Variants in DOCK1 observed in about 807,000 individuals in gnomAD.
DOCK1 encodes dedicator of cytokinesis protein 1.
A neutral mutation model predicts 262.7 loss-of-function variants in DOCK1; 138 were observed. The observed-to-expected ratio is 0.53, with a 90% CI of 0.46 to 0.61. DOCK1 has a LOEUF of 0.61. Ranked by LOEUF, DOCK1 falls within the 20% of genes least tolerant of loss-of-function variation. DOCK1 has a pLI of 0.00. For synonymous variants in DOCK1, 866 were observed against 867.4 expected (o/e 1.00, Z 0.03); for missense variants, 1,908 against 2,370.7 (o/e 0.80, Z 4.05).
At chr10:127,035,163 A>C (rs572621951) in intron 18 of DOCK1, among the ~76,000 whole-genome samples, 23 of 152,216 alleles carry the variant, frequency 1.5e-4, no homozygotes, top group Non-Finnish European at 3.2e-4. Context: ...ATGGCGTCTA[A>C]GCATCAACTC....
intron 29 of DOCK1, among the ~76,000 whole-genome samples, chr10:127,324,625 A>T (rs2766052): frequency 0.19 from 29,321 of 151,426 alleles, 3,256 homozygotes; most frequent in African/African-American, 0.31. Context: ...TTTTTTTTTT[A>T]AAAGATACTG....
chr10:127,348,933 T>G (rs1035151953), intron 31 of DOCK1, among the ~76,000 whole-genome samples: 1 of 152,206 alleles, frequency 6.6e-6, no homozygotes, highest in Non-Finnish European at 1.5e-5. Context: ...GCTCATTTTT[T>G]TCAAGAGACT....
chr10:127,160,099 T>C (rs1448641563), intron 27 of DOCK1, among the ~76,000 whole-genome samples: 1 of 139,188 alleles, frequency 7.2e-6, no homozygotes, highest in African/African-American at 2.7e-5. Context: ...GAGGCAATCA[T>C]AACAAAACAT....
Position 127,439,219 on chromosome 10 carries a change from G to A in DOCK1, c.5253G>A (p.Ser1751=), listed in dbSNP as rs144431958. 1.1e-4 allele frequency: 180 copies of A among 1,608,812 alleles called. No homozygotes were observed. The African/African-American group carries it at 2.1e-3, about 18-fold the overall frequency. Residue 1751 remains serine (S), a synonymous_variant, in exon 49 of 52, where the codon TCG becomes TCA. Coordinates refer to ENST00000623213, the MANE Select transcript of DOCK1 (RefSeq NM_001290223.2). ...AGCAGTCTGAGGCTGTGATCCTTTC[G>A]GAAACGGTAACCCGACAGGGTATCT... is the stretch of plus-strand genomic sequence containing the variant. ...SLQQSEAVIL[S]ETISPLRPQR... is the part of the protein sequence containing the mutation.
intron 21 of DOCK1, 77 bp downstream of exon 21, chr10:127,043,241 T>G (rs2044135668): frequency 8.5e-7 from 1 of 1,171,818 alleles, no homozygotes; most frequent in Non-Finnish European, 1.2e-6. Context: ...TTCATGTACT[T>G]TTGTCTATGA....
At chr10:127,106,700 CT>C (rs1337111365) in intron 24 of DOCK1, among the ~76,000 whole-genome samples, 3 of 152,058 alleles carry the variant, frequency 2.0e-5, no homozygotes, top group African/African-American at 7.2e-5. Flanking sequence ...GGCAACTCCT[CT>C]TTGGGAGGGG....
At chr10:127,162,578 C>T (rs1294573450) in intron 27 of DOCK1, among the ~76,000 whole-genome samples, 3 of 152,240 alleles carry the variant, frequency 2.0e-5, no homozygotes, top group East Asian at 1.9e-4. Context: ...GAATCACACA[C>T]ATCCCATTCC....
At chr10:127,120,055 C>T (rs2049453567) in intron 25 of DOCK1, among the ~76,000 whole-genome samples, 1 of 152,184 alleles carries the variant, frequency 6.6e-6, no homozygotes, top group African/African-American at 2.4e-5. Flanking sequence ...GAAAGGGTGG[C>T]TGGTGTGATC....
chr10:127,332,166 G>A (rs2063012508), intron 29 of DOCK1, among the ~76,000 whole-genome samples: 1 of 152,194 alleles, frequency 6.6e-6, no homozygotes, highest in Non-Finnish European at 1.5e-5. Flanking sequence ...CAAGGGCCCA[G>A]TAATCTCGGC....
chr10:127,205,403 C>T (rs1317592169), intron 27 of DOCK1, among the ~76,000 whole-genome samples: 6 of 152,210 alleles, frequency 3.9e-5, no homozygotes, highest in African/African-American at 2.4e-5. Context: ...CACGTTCCAT[C>T]TCTGTTGTGG....
chr10:127,281,459 G>A (rs2135281225), intron 29 of DOCK1, among the ~76,000 whole-genome samples: 1 of 152,304 alleles, frequency 6.6e-6, no homozygotes, highest in East Asian at 1.9e-4. Flanking sequence ...CTTCCTGGAA[G>A]AACTCAGAAG....
At chr10:127,261,609 A>T (rs1590177288) in intron 29 of DOCK1, among the ~76,000 whole-genome samples, 1 of 85,822 alleles carries the variant, frequency 1.2e-5, no homozygotes, top group Non-Finnish European at 2.1e-5. Flanking sequence ...GCCTGCATGT[A>T]CCCGTGCTCA....
chr10:127,293,163 G>C (rs1327236553), intron 29 of DOCK1, among the ~76,000 whole-genome samples: 2 of 152,140 alleles, frequency 1.3e-5, no homozygotes, highest in East Asian at 1.9e-4. Context: ...TGCTAGCCCA[G>C]GGCCACAAAG....
In DOCK1 at chr10:126,996,770, G is replaced by A; in HGVS notation, c.496G>A (p.Val166Ile). Residue 166 changes from valine to isoleucine, a missense_variant, in exon 7 of 52, where the codon GTT becomes ATT. Val to Ile is a conservative substitution (Grantham distance 29). Around this residue, in one of 9 missense-constraint regions of DOCK1, gnomAD observed 227 missense variants for 254.1 expected, o/e 0.89. Transcript: ENST00000623213. ...TAGAATTCTAGATTTGGACCTGGTG[G>A]TTAGAGATGAAGATGGGAATATTTT... Reference protein sequence around the residue: ...GNRILDLDLVVRDEDGNILDP... With the variant: ...GNRILDLDLVIRDEDGNILDP... 3 of 1,611,964 alleles carry A rather than the reference G, an allele frequency of 1.9e-6. No homozygotes were observed. The highest frequency in any genetic ancestry group is 2.5e-6 in the Non-Finnish European group (3 of 1,179,238).
At chr10:127,415,310 C>A in intron 44 of DOCK1, 72 bp downstream of exon 44, 1 of 1,460,814 alleles carries the variant, frequency 6.8e-7, no homozygotes, top group South Asian at 1.2e-5. Flanking sequence ...CCTTCTTCAC[C>A]TGCTCATGCC....
In DOCK1 at chr10:127,174,370, C is replaced by A. The variant is rs1288742329; in HGVS notation, c.2847+46606C>A. 2.6e-5 allele frequency among the ~76,000 whole-genome samples: 4 copies of A among 152,196 alleles called. No individual in the cohort carries two copies. In the East Asian group the frequency reaches 7.7e-4, roughly 29 times the overall value. On this transcript the variant is annotated intron_variant, in intron 27 of 51. Coordinates refer to ENST00000623213, the MANE Select transcript of DOCK1 (RefSeq NM_001290223.2). ...ACCCCCAGACCCAGAGTAGAACAGG[C>A]TGCTTTGTATCAGCTGAGCACATGC... is the stretch of plus-strand genomic sequence containing the variant.
intron 38 of DOCK1, among the ~76,000 whole-genome samples, chr10:127,389,637 G>T (rs2066350838): frequency 6.6e-6 from 1 of 152,116 alleles, no homozygotes; most frequent in African/African-American, 2.4e-5. Flanking sequence ...CTGGTGGGAG[G>T]TGATTGGGTC....
chr10:127,287,775 T>C (rs138236328), intron 29 of DOCK1, among the ~76,000 whole-genome samples: 37 of 152,076 alleles, frequency 2.4e-4, no homozygotes, highest in African/African-American at 8.5e-4. Context: ...TCTTATAACG[T>C]GAAGATTGAT....
At chr10:126,923,030 G>T (rs376058185) in intron 1 of DOCK1, among the ~76,000 whole-genome samples, 6 of 151,872 alleles carry the variant, frequency 4.0e-5, no homozygotes, top group African/African-American at 1.5e-4. Context: ...AATTGCTTCA[G>T]CCCGGGAGGC....
Sources: gnomAD v4.1 joint callset for allele counts (sites outside exome capture counted in the v4.1 genomes callset) on GRCh38, gnomAD v4.1.1 for gene constraint, gnomAD v4.1.1 regional missense constraint, MANE v1.5 for transcripts, NCBI Gene and HGNC (gene_info 2026-07-23, HGNC 2026-07-21) for gene names.